TSPAN9: variants seen among roughly 807,000 people sequenced by gnomAD.
The protein encoded by TSPAN9 is tetraspanin 9, also known as tetraspanin-9.
A neutral mutation model predicts 31.0 loss-of-function variants in TSPAN9; 16 were observed. That is an observed-to-expected ratio of 0.52 (90% CI 0.35 to 0.78). The LOEUF (loss-of-function observed/expected upper bound fraction) is 0.78. Ranked by LOEUF, TSPAN9 falls within the 30% of genes least tolerant of loss-of-function variation. The pLI, the probability that TSPAN9 is intolerant of heterozygous loss-of-function variation, is 0.01. For synonymous variants in TSPAN9, 145 were observed against 121.6 expected (o/e 1.19, Z -1.27); for missense variants, 272 against 312.5 (o/e 0.87, Z 0.98).
chr12:3,136,049 T>C (rs1182967209), intron 2 of TSPAN9, among the ~76,000 whole-genome samples: 1 of 152,186 alleles, frequency 6.6e-6, no homozygotes, highest in Non-Finnish European at 1.5e-5. Flanking sequence ...CTTGGTAGCC[T>C]GTGCAGTTAC....
chr12:3,106,570 G>A (rs1443819203), intron 2 of TSPAN9, among the ~76,000 whole-genome samples: 4 of 152,128 alleles, frequency 2.6e-5, no homozygotes, highest in Non-Finnish European at 5.9e-5. Flanking sequence ...AGAAATTTGA[G>A]TTCACCCTCA....
In TSPAN9 at chr12:3,283,244, C is replaced by G; in HGVS notation, c.*128C>G. The G allele has an allele frequency of 2.1e-6, 2 of 930,822 alleles. No homozygotes were observed. Among genetic ancestry groups the G allele is most frequent in the Non-Finnish European group, 3.2e-6 (2 of 633,358 alleles). 57.7% of individuals were successfully genotyped at this position (930,822 alleles called of 1,614,324 possible). ...CCACCCCCCACAGCCTGCCCTACCC[C>G]ACCTACCCTGCCTCAGCCTCGGACT... On this transcript the variant is annotated 3_prime_UTR_variant, in exon 9 of 9. Coordinates refer to ENST00000011898, the MANE Select transcript of TSPAN9 (RefSeq NM_006675.5).
At chr12:3,237,731 C>T (rs537674466) in intron 3 of TSPAN9, among the ~76,000 whole-genome samples, 3 of 152,318 alleles carry the variant, frequency 2.0e-5, no homozygotes, top group Admixed American at 1.3e-4. Flanking sequence ...CCTCCCCAGG[C>T]ACAGAGAGGG....
At chr12:3,228,565 A>T (rs1313504688) in intron 3 of TSPAN9, among the ~76,000 whole-genome samples, 1 of 152,158 alleles carries the variant, frequency 6.6e-6, no homozygotes, top group Non-Finnish European at 1.5e-5. Context: ...AGGCCCCACT[A>T]TTGGCAGGCA....
intron 2 of TSPAN9, among the ~76,000 whole-genome samples, chr12:3,159,183 G>T (rs746932350): frequency 6.6e-6 from 1 of 151,172 alleles, no homozygotes; most frequent in Non-Finnish European, 1.5e-5. Flanking sequence ...CGGAGGCTAC[G>T]GCAACAGGAG....
At chr12:3,181,418 T>A (rs1365201450) in intron 2 of TSPAN9, among the ~76,000 whole-genome samples, 1 of 152,110 alleles carries the variant, frequency 6.6e-6, no homozygotes, top group Non-Finnish European at 1.5e-5. Flanking sequence ...TAGGACTGAT[T>A]TGACCCATGT....
At chr12:3,093,136 G>A (rs370960659) in intron 2 of TSPAN9, among the ~76,000 whole-genome samples, 69 of 152,356 alleles carry the variant, frequency 4.5e-4, no homozygotes, top group African/African-American at 1.3e-3. Context: ...ATGCTGACAC[G>A]AATTGTGGGA....
At chr12:3,194,151 T>C (rs1257135405) in intron 2 of TSPAN9, among the ~76,000 whole-genome samples, 4 of 152,142 alleles carry the variant, frequency 2.6e-5, no homozygotes, top group African/African-American at 7.2e-5. Flanking sequence ...GTACCTGCTG[T>C]GGGGTGGTCA....
intron 2 of TSPAN9, among the ~76,000 whole-genome samples, chr12:3,138,762 C>T (rs2098333336): frequency 2.0e-5 from 3 of 152,076 alleles, no homozygotes; most frequent in South Asian, 2.1e-4. Flanking sequence ...CCAAAGTGAG[C>T]CATCGCATCC....
intron 3 of TSPAN9, among the ~76,000 whole-genome samples, chr12:3,226,783 TATATA>T (rs2098387969): frequency 1.2e-4 from 2 of 16,900 alleles, no homozygotes; most frequent in South Asian, 3.8e-3. Context: ...TATATATATA[TATATA>T]TATATATTTT....
At chr12:3,182,341 G>T (rs1367059804) in intron 2 of TSPAN9, among the ~76,000 whole-genome samples, 1 of 152,028 alleles carries the variant, frequency 6.6e-6, no homozygotes, top group Non-Finnish European at 1.5e-5. Context: ...TAGGAAGGCT[G>T]TTGCTGCGCC....
chr12:3,118,408 C>T (rs2098323583), intron 2 of TSPAN9, among the ~76,000 whole-genome samples: 1 of 151,516 alleles, frequency 6.6e-6, no homozygotes, highest in African/African-American at 2.4e-5. Context: ...ATGACAGGCA[C>T]CCACCATCAT....
At position 3,094,868 on chromosome 12, in the gene TSPAN9, TTG is replaced by T. The variant is rs1197363351; in HGVS notation, c.-18+11151_-18+11152del. Among the ~76,000 whole-genome samples, 420 of 104,244 alleles carry T rather than the reference TTG, an allele frequency of 4.0e-3. 6 individuals carry two copies. The highest frequency in any genetic ancestry group is 0.013 in the African/African-American group (389 of 30,866). 68.4% of individuals were successfully genotyped at this position (104,244 alleles called of 152,430 possible). On this transcript the variant is annotated intron_variant, in intron 2 of 8. Transcript: ENST00000011898. ...TAATCTTTTTTTTTTTTTTTTTTTTTTGTTTTTAAATTTATTTTTTTATTGAT... is the reference window on the plus strand; with the variant it reads ...TAATCTTTTTTTTTTTTTTTTTTTTTTTTTTAAATTTATTTTTTTATTGAT...
intron 3 of TSPAN9, among the ~76,000 whole-genome samples, chr12:3,206,712 G>C (rs1433425736): frequency 6.6e-6 from 1 of 152,144 alleles, no homozygotes; most frequent in Non-Finnish European, 1.5e-5. Context: ...CGTAAGCCGG[G>C]ACTTTGAGCT....
intron 3 of TSPAN9, among the ~76,000 whole-genome samples, chr12:3,230,271 A>G (rs946837102): frequency 6.6e-6 from 1 of 152,128 alleles, no homozygotes; most frequent in Non-Finnish European, 1.5e-5. Context: ...ATGCTTTTGA[A>G]GGTCAGCAGG....
intron 3 of TSPAN9, among the ~76,000 whole-genome samples, chr12:3,271,273 C>T (rs576771590): frequency 1.3e-5 from 2 of 152,204 alleles, no homozygotes; most frequent in Admixed American, 1.3e-4. Flanking sequence ...TGAAGTTATG[C>T]ACCAGCTCAG....
intron 3 of TSPAN9, among the ~76,000 whole-genome samples, chr12:3,240,360 G>C (rs932689079): frequency 6.6e-6 from 1 of 152,180 alleles, no homozygotes; most frequent in African/African-American, 2.4e-5. Context: ...CATCGTGGAT[G>C]GTCCTTGAGG....
chr12:3,160,039 C>T (rs1357540216), intron 2 of TSPAN9, among the ~76,000 whole-genome samples: 1 of 152,304 alleles, frequency 6.6e-6, no homozygotes, highest in South Asian at 2.1e-4. Context: ...CATGTTATCA[C>T]CTCAGAAAGA....
At chr12:3,214,053 G>C (rs1033250583) in intron 3 of TSPAN9, among the ~76,000 whole-genome samples, 8 of 152,196 alleles carry the variant, frequency 5.3e-5, no homozygotes, top group Admixed American at 5.2e-4. Flanking sequence ...TCTAGTCCCC[G>C]GCATGCTTGC....
Sources: gnomAD v4.1 joint callset for allele counts (sites outside exome capture counted in the v4.1 genomes callset) on GRCh38, gnomAD v4.1.1 for gene constraint, MANE v1.5 for transcripts, NCBI Gene and HGNC (gene_info 2026-07-23, HGNC 2026-07-21) for gene names.